NEK10: variants seen among roughly 807,000 people sequenced by gnomAD.
The protein encoded by NEK10 is NIMA related kinase 10, also known as serine/threonine-protein kinase Nek10.
Under a neutral mutation model 159.8 loss-of-function variants are expected in NEK10, and 122 were observed. That is an observed-to-expected ratio of 0.76 (90% CI 0.66 to 0.89). The LOEUF (loss-of-function observed/expected upper bound fraction) is 0.89, where lower values mean the gene tolerates loss of function less well. Ranked by LOEUF, NEK10 falls within the 40% of genes least tolerant of loss-of-function variation. The pLI is 0.00. For missense variants in NEK10, 1,342 were observed against 1,323.1 expected (o/e 1.01, Z -0.22); for synonymous variants, 466 against 457.1 (o/e 1.02, Z -0.25).
At chr3:27,143,467 C>A in intron 30 of NEK10, 1 of 761,944 alleles carries the variant, frequency 1.3e-6, no homozygotes, top group Non-Finnish European at 2.4e-6. Context: ...ATGTGCCCAT[C>A]TGTGGCCCTA....
chr3:27,280,844 T>C (rs1049248511), intron 22 of NEK10, among the ~76,000 whole-genome samples: 11 of 152,024 alleles, frequency 7.2e-5, no homozygotes, highest in African/African-American at 2.4e-4. Context: ...AAAACATGTA[T>C]ATATGCTACT....
chr3:27,333,240 C>G (rs1393822906), intron 5 of NEK10, among the ~76,000 whole-genome samples: 1 of 152,066 alleles, frequency 6.6e-6, no homozygotes, highest in East Asian at 1.9e-4. Context: ...GCAATCCTAG[C>G]CATGGGAGAG....
chr3:27,273,221 C>A (rs1373705604), intron 22 of NEK10, among the ~76,000 whole-genome samples: 3 of 152,166 alleles, frequency 2.0e-5, no homozygotes, highest in Non-Finnish European at 4.4e-5. Flanking sequence ...AGGTGACTGA[C>A]CTCTCTCATA....
chr3:27,355,030 T>C (rs1039924159), intron 1 of NEK10, among the ~76,000 whole-genome samples: 1 of 151,552 alleles, frequency 6.6e-6, no homozygotes, highest in African/African-American at 2.4e-5. Context: ...GGAGAGGCTC[T>C]GGGCAGAGTG....
chr3:27,162,925 C>A (rs553233877), intron 29 of NEK10, 187 bp from the exon 30 acceptor site: 1 of 325,568 alleles, frequency 3.1e-6, no homozygotes, highest in East Asian at 1.7e-4. Context: ...TGACATTCTA[C>A]TGACAAATGA....
intron 26 of NEK10, among the ~76,000 whole-genome samples, chr3:27,188,012 G>T (rs1948775249): frequency 6.6e-6 from 1 of 152,180 alleles, no homozygotes; most frequent in Non-Finnish European, 1.5e-5. Context: ...CTAGCTGGAT[G>T]AACTTGGACA....
chr3:27,128,450 A>C (rs915238378), intron 32 of NEK10, among the ~76,000 whole-genome samples: 2 of 152,114 alleles, frequency 1.3e-5, no homozygotes, highest in Admixed American at 1.3e-4. Flanking sequence ...AATATTCTTT[A>C]TCCCTTTGGC....
Position 27,346,230 on chromosome 3 carries a change from AG to A in NEK10, c.133-15del, listed in dbSNP as rs1219384203. 1 of 1,613,376 alleles carries A rather than the reference AG, an allele frequency of 6.2e-7. No individual in the cohort carries two copies. The highest frequency in any genetic ancestry group is 8.5e-7 in the Non-Finnish European group (1 of 1,179,498). ...AATGGCTGGAAGCTACAGAAATAGA[AG>A]CATAGAGTACATGAGGATCACAATT... is the stretch of plus-strand genomic sequence containing the variant. On this transcript the variant is annotated splice_polypyrimidine_tract_variant and intron_variant, in intron 3 of 35. Transcript: ENST00000691995.
chr3:27,147,803 G>A (rs935139065), intron 30 of NEK10, among the ~76,000 whole-genome samples: 1 of 152,104 alleles, frequency 6.6e-6, no homozygotes, highest in Non-Finnish European at 1.5e-5. Flanking sequence ...TCATTTTATT[G>A]CCCTATAGAA....
intron 6 of NEK10, among the ~76,000 whole-genome samples, chr3:27,318,630 G>A (rs2045389098): frequency 6.6e-6 from 1 of 152,230 alleles, no homozygotes; most frequent in African/African-American, 2.4e-5. Flanking sequence ...ATGTAAGAGA[G>A]TGACAAGACA....
rs967730596 is a variant in NEK10, at chr3:27,146,900, A to G, written c.2870-5318T>C. Among the ~76,000 whole-genome samples, 5 of 152,198 alleles carry G rather than the reference A, an allele frequency of 3.3e-5. No homozygotes were observed. The South Asian group carries it at 6.2e-4, about 19-fold the overall frequency. Reference sequence around the variant, plus strand: ...GAGGGCTGCAACTGAAGAACAGCAAACTGTTCAGTTTAGCTGGTGTGCAGT... The same window carrying G: ...GAGGGCTGCAACTGAAGAACAGCAAGCTGTTCAGTTTAGCTGGTGTGCAGT... On this transcript the variant is annotated intron_variant, in intron 30 of 35. Transcript: ENST00000691995.
At chr3:27,321,762 G>A (rs751410797) in intron 6 of NEK10, among the ~76,000 whole-genome samples, 8 of 152,164 alleles carry the variant, frequency 5.3e-5, no homozygotes, top group Non-Finnish European at 1.0e-4. Flanking sequence ...GGAGCAGCTA[G>A]TAAAGCTCCA....
At chr3:27,241,701 C>T (rs910615135) in intron 23 of NEK10, among the ~76,000 whole-genome samples, 2 of 152,182 alleles carry the variant, frequency 1.3e-5, no homozygotes, top group Non-Finnish European at 2.9e-5. Context: ...AAACCACTTG[C>T]ACTTCAATTC....
rs1199465984 is a variant in NEK10, at chr3:27,260,759, C to CT, written c.2015-4389dup. 1.7e-4 allele frequency among the ~76,000 whole-genome samples: 26 copies of CT among 151,974 alleles called. No homozygotes were observed. In the East Asian group the frequency reaches 3.1e-3, roughly 18 times the overall value. ...TAAAATGAGTTAGGAAGGATTCCCT[C>CT]TTTTTTTTATTGATTGGAATAGTTT... is the stretch of plus-strand genomic sequence containing the variant. On this transcript the variant is annotated intron_variant, in intron 22 of 35. Coordinates refer to ENST00000691995, the MANE Select transcript of NEK10 (RefSeq NM_001394966.1).
chr3:27,144,172 A>G (rs1438393597), intron 30 of NEK10, among the ~76,000 whole-genome samples: 2 of 152,096 alleles, frequency 1.3e-5, no homozygotes, highest in African/African-American at 4.8e-5. Flanking sequence ...GACATATCAC[A>G]TCACATAAAC....
At chr3:27,230,708 C>T (rs1270839004) in intron 23 of NEK10, among the ~76,000 whole-genome samples, 1 of 151,900 alleles carries the variant, frequency 6.6e-6, no homozygotes, top group East Asian at 1.9e-4. Flanking sequence ...GAAAAGCAAG[C>T]AGGAATAGCA....
rs148302042 is a variant in NEK10, at chr3:27,130,231, C to T, written c.3081+1649G>A. Reference sequence around the variant, plus strand: ...AGTCTTTATAGGAGAGTATAATCTGCCTCTTAAACAAGTTAATAATAAGGA... The same window carrying T: ...AGTCTTTATAGGAGAGTATAATCTGTCTCTTAAACAAGTTAATAATAAGGA... On this transcript the variant is annotated intron_variant, in intron 32 of 35. Transcript: ENST00000691995. 6.1e-3 allele frequency among the ~76,000 whole-genome samples: 928 copies of T among 152,250 alleles called. 9 individuals are homozygous for T. The highest frequency in any genetic ancestry group is 0.021 in the African/African-American group (880 of 41,542).
chr3:27,348,312 A>C (rs1018132472), intron 3 of NEK10, among the ~76,000 whole-genome samples: 3 of 152,180 alleles, frequency 2.0e-5, no homozygotes, highest in East Asian at 3.9e-4. Flanking sequence ...GGTGATTCCA[A>C]GAGAGGAGTG....
rs547284677 is a variant in NEK10, at chr3:27,121,469, T to C, written c.3082-1601A>G. Among the ~76,000 whole-genome samples, 40 of 152,282 alleles carry C rather than the reference T, an allele frequency of 2.6e-4. No individual in the cohort carries two copies. The South Asian group carries it at 8.3e-3, about 32-fold the overall frequency. On this transcript the variant is annotated intron_variant, in intron 32 of 35. Transcript: ENST00000691995. The stretch of plus-strand genomic sequence containing the variant: ...GACCTGGTGAGAGGTAATTGAATCA[T>C]GGGTGTGGGTCTTTCCTGTCTGTTC...
Sources: allele counts gnomAD v4.1 joint callset (sites outside exome capture counted in the v4.1 genomes callset), GRCh38; gene constraint gnomAD v4.1.1; transcripts MANE v1.5; gene names NCBI Gene and HGNC (gene_info 2026-07-23, HGNC 2026-07-21).